Variants in SUMF1 observed in about 807,000 individuals in gnomAD.
SUMF1 encodes the protein formylglycine-generating enzyme.
Under a neutral mutation model 47.6 loss-of-function variants are expected in SUMF1, and 48 were observed. That is an observed-to-expected ratio of 1.01 (90% CI 0.80 to 1.28). The LOEUF (loss-of-function observed/expected upper bound fraction) is 1.28. Ranked by LOEUF, SUMF1 falls within the 50% of genes most tolerant of loss-of-function variation. The probability of loss-of-function intolerance (pLI) is 0.00; values close to 1 mark genes in which losing one functional copy is unlikely to be tolerated. For synonymous variants in SUMF1, 230 were observed against 192.1 expected (o/e 1.20, Z -1.63); for missense variants, 571 against 485.4 (o/e 1.18, Z -1.66).
In SUMF1 at chr3:4,467,184, A is replaced by C. The variant is rs764681861; in HGVS notation, c.62T>G (p.Leu21Trp). Reference sequence around the variant, plus strand: ...ACACAGCAGCGAGAGCAGCAGCAGCAAGAGGACGAGACCCAGCTCAGGGCA... The same window carrying C: ...ACACAGCAGCGAGAGCAGCAGCAGCCAGAGGACGAGACCCAGCTCAGGGCA... The part of the protein sequence containing the change: ...GRCPELGLVL[L>W]LLLLSLLCGA... The change falls in exon 1 of 9, where the codon TTG becomes TGG. Residue 21 changes from leucine (L) to tryptophan (W), a missense_variant. Leu to Trp is a moderately conservative substitution (Grantham distance 61). Coordinates refer to ENST00000272902, the MANE Select transcript of SUMF1 (RefSeq NM_182760.4). 1 of 1,610,444 alleles carries C rather than the reference A, an allele frequency of 6.2e-7. No homozygotes were observed. Among genetic ancestry groups the C allele is most frequent in the Non-Finnish European group, 8.5e-7 (1 of 1,178,912 alleles).
At chr3:4,111,735 C>G (rs921964661) in intron 8 of SUMF1, among the ~76,000 whole-genome samples, 1 of 151,586 alleles carries the variant, frequency 6.6e-6, no homozygotes, top group Non-Finnish European at 1.5e-5. Context: ...TAGACACCGT[C>G]TAAAAAAAAC....
intron 3 of SUMF1, among the ~76,000 whole-genome samples, chr3:4,423,315 C>CACACA (rs1491344267): frequency 7.0e-6 from 1 of 143,494 alleles, no homozygotes; most frequent in East Asian, 2.0e-4. Context: ...CACACACACA[C>CACACA]AATGGAATAC....
At chr3:4,099,786 T>A (rs1342392525) in intron 8 of SUMF1, among the ~76,000 whole-genome samples, 1 of 151,406 alleles carries the variant, frequency 6.6e-6, no homozygotes, top group Non-Finnish European at 1.5e-5. Context: ...CATGCAAAAA[T>A]CAGCAGTGTT....
chr3:4,401,893 A>G (rs1358502485), intron 7 of SUMF1, among the ~76,000 whole-genome samples: 5 of 152,114 alleles, frequency 3.3e-5, no homozygotes, highest in Admixed American at 2.0e-4. Context: ...TAACCAATAA[A>G]AGCCCCTTTC....
intron 8 of SUMF1, among the ~76,000 whole-genome samples, chr3:4,269,200 T>G (rs1266148440): frequency 6.6e-6 from 1 of 152,116 alleles, no homozygotes; most frequent in Non-Finnish European, 1.5e-5. Context: ...ACTTTAAGTT[T>G]TAGGGTACAT....
chr3:4,152,030 C>T (rs967231070), intron 8 of SUMF1, among the ~76,000 whole-genome samples: 8 of 151,556 alleles, frequency 5.3e-5, no homozygotes, highest in Admixed American at 2.0e-4. Context: ...TACAAGCATT[C>T]ATAATGTAAC....
intron 1 of SUMF1, among the ~76,000 whole-genome samples, chr3:4,455,716 C>T (rs1252996037): frequency 1.3e-5 from 2 of 151,188 alleles, no homozygotes; most frequent in Non-Finnish European, 3.0e-5. Context: ...GACTCCGTTT[C>T]AAATAATAAT....
chr3:4,337,051 G>A (rs1023373402), intron 8 of SUMF1, among the ~76,000 whole-genome samples: 1 of 152,068 alleles, frequency 6.6e-6, no homozygotes, highest in Non-Finnish European at 1.5e-5. Flanking sequence ...GATTTTCTTT[G>A]TCCTGGTTTC....
chr3:4,452,491 C>G (rs1703007764), intron 2 of SUMF1, among the ~76,000 whole-genome samples: 1 of 152,224 alleles, frequency 6.6e-6, no homozygotes, highest in South Asian at 2.1e-4. Flanking sequence ...GAAAAGTGGT[C>G]TTACTTTACA....
intron 8 of SUMF1, chr3:4,313,842 A>C: frequency 6.3e-7 from 1 of 1,585,026 alleles, no homozygotes; most frequent in South Asian, 1.1e-5. Context: ...CTGCCTAGTT[A>C]CATAAGTTTA....
intron 3 of SUMF1, among the ~76,000 whole-genome samples, chr3:4,431,942 A>T (rs1702246967): frequency 6.6e-6 from 1 of 152,064 alleles, no homozygotes; most frequent in Admixed American, 6.5e-5. Context: ...AATTTGGGTG[A>T]CAGATATCAC....
At chr3:4,064,652 A>G (rs1695338871) in intron 9 of SUMF1, among the ~76,000 whole-genome samples, 1 of 152,212 alleles carries the variant, frequency 6.6e-6, no homozygotes, top group Non-Finnish European at 1.5e-5. Flanking sequence ...GGTATGGGTC[A>G]GGACCCCTTT....
intron 8 of SUMF1, among the ~76,000 whole-genome samples, chr3:4,223,153 A>G (rs1696104865): frequency 6.6e-6 from 1 of 152,154 alleles, no homozygotes; most frequent in South Asian, 2.1e-4. Context: ...AGCTTTTACT[A>G]ATAGCATCAG....
chr3:4,046,399 G>A (rs1695008625), intron 9 of SUMF1, among the ~76,000 whole-genome samples: 1 of 152,148 alleles, frequency 6.6e-6, no homozygotes, highest in Non-Finnish European at 1.5e-5. Flanking sequence ...AGATCTGGCT[G>A]TGAGGTTGAG....
chr3:4,366,714 C>T (rs537326624), intron 8 of SUMF1, among the ~76,000 whole-genome samples: 20 of 152,348 alleles, frequency 1.3e-4, no homozygotes, highest in Non-Finnish European at 2.5e-4. Flanking sequence ...CTTCTCTCAA[C>T]TCGTCAAAGT....
chr3:4,178,076 G>A (rs1695006990), intron 8 of SUMF1, among the ~76,000 whole-genome samples: 1 of 152,096 alleles, frequency 6.6e-6, no homozygotes, highest in Non-Finnish European at 1.5e-5. Context: ...AAAAGTCCAG[G>A]ACCAGACAGA....
intron 9 of SUMF1, among the ~76,000 whole-genome samples, chr3:4,052,132 C>G (rs772475270): frequency 2.6e-4 from 40 of 152,098 alleles, no homozygotes; most frequent in Non-Finnish European, 5.1e-4. Flanking sequence ...ACCAGAAAAT[C>G]TGGTATCTGG....
chr3:4,048,574 C>A (rs1695047760), intron 9 of SUMF1, among the ~76,000 whole-genome samples: 1 of 151,938 alleles, frequency 6.6e-6, no homozygotes. Flanking sequence ...CCATGTGCTT[C>A]TTTATAGCCC....
chr3:4,162,937 A>G (rs2125115405), intron 8 of SUMF1, among the ~76,000 whole-genome samples: 1 of 152,254 alleles, frequency 6.6e-6, no homozygotes, highest in Admixed American at 6.5e-5. Context: ...GTAATGAAAG[A>G]AAAATGAAAA....
Sources: allele counts gnomAD v4.1 joint callset (sites outside exome capture counted in the v4.1 genomes callset), GRCh38; gene constraint gnomAD v4.1.1; transcripts MANE v1.5; gene names NCBI Gene and HGNC (gene_info 2026-07-23, HGNC 2026-07-21).